ERAP1: variants seen among roughly 807,000 people sequenced by gnomAD.
The protein encoded by ERAP1 is endoplasmic reticulum aminopeptidase 1.
ERAP1 carries 86 observed loss-of-function variants against 103.7 expected under a neutral mutation model. The ratio of observed to expected loss-of-function variants is 0.83; its 90% CI spans 0.70 to 0.99. The LOEUF is 0.99. Ranked by LOEUF, ERAP1 falls within the 50% of genes least tolerant of loss-of-function variation. ERAP1 has a pLI of 0.00. For missense variants in ERAP1, 1,009 were observed against 1,128.4 expected (o/e 0.89, Z 1.52); for synonymous variants, 398 against 402.4 (o/e 0.99, Z 0.13).
At chr5:96,846,853 G>A in the ERAP1 span, among the ~76,000 whole-genome samples, 1 of 151,984 alleles carries the variant, frequency 6.6e-6, no homozygotes, top group Non-Finnish European at 1.5e-5. Context: ...ATTTAAAACT[G>A]GAACAAATTG....
At chr5:96,794,171 C>CTTTTTTTTTT (rs35041937) in intron 5 of ERAP1, among the ~76,000 whole-genome samples, 2 of 68,726 alleles carry the variant, frequency 2.9e-5, no homozygotes, top group African/African-American at 1.2e-4. Context: ...CATCTCAGGC[C>CTTTTTTTTTT]TTTTTTTTTT....
At chr5:96,810,152 A>G (rs1337831437), upstream of ERAP1, among the ~76,000 whole-genome samples, 1 of 152,212 alleles carries the variant, frequency 6.6e-6, no homozygotes. Context: ...TCGTCTTTAG[A>G]GTTGAAGTGC....
At chr5:96,912,725 T>G in the ERAP1 span, 13 of 1,603,860 alleles carry the variant, frequency 8.1e-6, no homozygotes, top group Non-Finnish European at 1.1e-5. Flanking sequence ...ATATGAACTG[T>G]CAATGTCAAG....
At chr5:96,892,994 A>G in the ERAP1 span, among the ~76,000 whole-genome samples, 1 of 150,490 alleles carries the variant, frequency 6.6e-6, no homozygotes, top group African/African-American at 2.4e-5. Flanking sequence ...TCTGTTTCAT[A>G]AAGCTGTTCT....
the ERAP1 span, chr5:96,917,582 A>T: frequency 3.1e-6 from 5 of 1,613,246 alleles, no homozygotes; most frequent in Admixed American, 8.3e-5. Context: ...GACTCTGAGG[A>T]CTTGGCTAAT....
At chr5:96,860,204 C>T in the ERAP1 span, among the ~76,000 whole-genome samples, 1 of 152,054 alleles carries the variant, frequency 6.6e-6, no homozygotes, top group Non-Finnish European at 1.5e-5. Context: ...CAGGCGTGTG[C>T]CACTACGCCT....
chr5:96,786,840 T>G (rs1776073842), intron 11 of ERAP1: 1 of 364,936 alleles, frequency 2.7e-6, no homozygotes, highest in Non-Finnish European at 5.2e-6. Context: ...AGGCCTAACT[T>G]CAGGACTCAT....
chr5:96,784,006 A>G lies in ERAP1; in HGVS notation c.2018T>C (p.Val673Ala). 1 of 1,614,068 alleles carries G rather than the reference A, an allele frequency of 6.2e-7. No individual in the cohort carries two copies. Among genetic ancestry groups the G allele is most frequent in the Non-Finnish European group, 8.5e-7 (1 of 1,179,960 alleles). ...YLKHETEIMP[V>A]FQGLNELIPM... is the part of the protein sequence containing the mutation. ...AATCAGCTCATTCAAACCTTGAAAC[A>G]CGGGCATAATTTCAGTTTCATGTTT... The change falls in exon 14 of 19, where the codon GTG (valine) becomes GCG (alanine). Residue 673 changes from valine to alanine, a missense_variant. Coordinates refer to ENST00000443439, the MANE Select transcript of ERAP1 (RefSeq NM_001040458.3).
chr5:96,816,806 C>G, the ERAP1 span, among the ~76,000 whole-genome samples: 1 of 152,232 alleles, frequency 6.6e-6, no homozygotes, highest in Non-Finnish European at 1.5e-5. Flanking sequence ...CAGGACCCCT[C>G]TCTTCGCTGA....
the ERAP1 span, among the ~76,000 whole-genome samples, chr5:96,828,568 T>C: frequency 1.3e-5 from 2 of 152,128 alleles, no homozygotes; most frequent in African/African-American, 4.8e-5. Flanking sequence ...ACACTTTCAA[T>C]AGGGCAGGGT....
chr5:96,780,408 ATTT>A lies in ERAP1; in HGVS notation c.2670+12_2670+14del. ...TTTATGTTTAAAAATATATATATAG[ATTT>A]TTTTTTTTTACCTCTTCAAGCCGTG... On this transcript the variant is annotated intron_variant, in intron 18 of 18. Transcript: ENST00000443439. The A allele has an allele frequency of 6.5e-6, 9 of 1,387,220 alleles. No individual in the cohort carries two copies. Among genetic ancestry groups the A allele is most frequent in the African/African-American group, 1.5e-5 (1 of 67,710 alleles). The allele number at this position is 1,387,220 out of a possible 1,614,324, so 85.9% of individuals were successfully genotyped here.
the ERAP1 span, among the ~76,000 whole-genome samples, chr5:96,844,725 A>G: frequency 3.3e-5 from 5 of 152,334 alleles, no homozygotes; most frequent in Non-Finnish European, 1.5e-5. Context: ...AGTGGAAGAA[A>G]AGAGAATGCT....
At chr5:96,777,832 C>G (rs896244069) in intron 18 of ERAP1, among the ~76,000 whole-genome samples, 6 of 152,194 alleles carry the variant, frequency 3.9e-5, no homozygotes, top group Non-Finnish European at 8.8e-5. Flanking sequence ...CTTGTCCTGA[C>G]CCAAAATCAT....
At chr5:96,917,535 T>A in the ERAP1 span, 6 of 1,613,748 alleles carry the variant, frequency 3.7e-6, no homozygotes, top group Non-Finnish European at 5.1e-6. Context: ...CTGGAAACGA[T>A]AACCAAAAAT....
At chr5:96,763,315 T>G in intron 19 of ERAP1, 1 of 775,730 alleles carries the variant, frequency 1.3e-6, no homozygotes, top group South Asian at 1.3e-5. Context: ...TGGATTATAA[T>G]AAAGCACTTA....
At chr5:96,891,410 TACATATACACAC>T in the ERAP1 span, among the ~76,000 whole-genome samples, 1 of 150,308 alleles carries the variant, frequency 6.7e-6, no homozygotes, top group South Asian at 2.1e-4. Context: ...CACACACATA[TACATATACACAC>T]ACATATACAG....
At chr5:96,910,264 C>CAA in the ERAP1 span, 5,813 of 134,676 alleles carry the variant, frequency 0.043, 361 homozygotes, top group African/African-American at 0.15. Flanking sequence ...GGCCCTGTCT[C>CAA]AAAAAAAAAA....
chr5:96,866,818 C>T, the ERAP1 span, among the ~76,000 whole-genome samples: 48 of 152,236 alleles, frequency 3.2e-4, no homozygotes, highest in African/African-American at 9.9e-4. Context: ...ATCATTTGTC[C>T]ACCTTTTACT....
In ERAP1 at chr5:96,780,476, G is replaced by T. The variant is rs757390280; in HGVS notation, c.2617C>A (p.His873Asn). The change falls in exon 18 of 19, where the codon CAC (histidine) becomes AAC (asparagine). Residue 873 changes from histidine (H) to asparagine (N), a missense_variant. His to Asn is a moderately conservative substitution (Grantham distance 68). This residue lies in a region of ERAP1 where 611 missense variants were observed against 651.7 expected (regional missense o/e 0.94). Coordinates refer to ENST00000443439, the MANE Select transcript of ERAP1 (RefSeq NM_001040458.3). The part of the protein sequence containing the change: ...KFELGSSSIA[H>N]MVMGTTNQFS... ...TGATTTGTTGTACCCATTACCATGT[G>T]GGCTATGGAAGATGAGCCAAGTTCA... 1 of 1,613,118 alleles carries T rather than the reference G, an allele frequency of 6.2e-7. No individual in the cohort carries two copies. Among genetic ancestry groups the T allele is most frequent in the Non-Finnish European group, 8.5e-7 (1 of 1,179,634 alleles).
Sources: gnomAD v4.1 joint callset for allele counts (sites outside exome capture counted in the v4.1 genomes callset) on GRCh38, gnomAD v4.1.1 for gene constraint, gnomAD v4.1.1 regional missense constraint, MANE v1.5 for transcripts, NCBI Gene and HGNC (gene_info 2026-07-23, HGNC 2026-07-21) for gene names.